GHR: variants seen among roughly 807,000 people sequenced by gnomAD.
The protein encoded by GHR is growth hormone receptor.
In GHR, 35 loss-of-function variants were observed where a neutral mutation model predicts 67.1. The observed-to-expected ratio is 0.52, with a 90% CI of 0.40 to 0.69. The LOEUF (loss-of-function observed/expected upper bound fraction) is 0.69. Ranked by LOEUF, GHR falls within the 30% of genes least tolerant of loss-of-function variation. GHR has a pLI of 0.00. For synonymous variants in GHR, 272 were observed against 269.1 expected (o/e 1.01, Z -0.10); for missense variants, 792 against 764.6 (o/e 1.04, Z -0.42).
chr5:42,562,802 T>C (rs946130178), intron 1 of GHR, among the ~76,000 whole-genome samples: 19 of 151,768 alleles, frequency 1.3e-4, no homozygotes, highest in Admixed American at 1.2e-3. Context: ...AGGCATGCGC[T>C]GCCATGCCCA....
chr5:42,627,485 G>C (rs912536145), intron 2 of GHR, among the ~76,000 whole-genome samples: 7 of 152,284 alleles, frequency 4.6e-5, no homozygotes, highest in Admixed American at 1.3e-4. Flanking sequence ...TGCCATAACA[G>C]GTGTTAGCAG....
chr5:42,529,983 C>G (rs1432595452), intron 1 of GHR, among the ~76,000 whole-genome samples: 4 of 138,352 alleles, frequency 2.9e-5, no homozygotes, highest in Non-Finnish European at 6.1e-5. Flanking sequence ...GAGAGTAAAT[C>G]AGAAGTGAAT....
At chr5:42,680,667 G>A (rs1344062627) in intron 3 of GHR, among the ~76,000 whole-genome samples, 1 of 151,672 alleles carries the variant, frequency 6.6e-6, no homozygotes, top group Non-Finnish European at 1.5e-5. Flanking sequence ...ACCAGACCTG[G>A]CTAATTTTTG....
intron 3 of GHR, among the ~76,000 whole-genome samples, chr5:42,648,243 C>A (rs558263918): frequency 5.9e-5 from 9 of 152,228 alleles, no homozygotes; most frequent in African/African-American, 1.9e-4. Context: ...TACAAGTGTT[C>A]TAGGAATCTG....
chr5:42,433,995 G>C (rs911217980), intron 1 of GHR, among the ~76,000 whole-genome samples: 6 of 152,076 alleles, frequency 3.9e-5, no homozygotes, highest in African/African-American at 1.4e-4. Context: ...TTGGATAGTG[G>C]TGGCTGCTGT....
At chr5:42,579,205 T>A (rs1229093287) in intron 2 of GHR, among the ~76,000 whole-genome samples, 1 of 147,978 alleles carries the variant, frequency 6.8e-6, no homozygotes, top group African/African-American at 2.5e-5. Context: ...GATAGACAGA[T>A]AGATAGATAT....
intron 1 of GHR, among the ~76,000 whole-genome samples, chr5:42,494,441 C>T (rs547769661): frequency 4.6e-5 from 7 of 152,162 alleles, no homozygotes; most frequent in South Asian, 2.1e-4. Context: ...TGTCTCCTTG[C>T]GTCCTCTTCT....
At chr5:42,697,816 G>A (rs1262323120) in intron 5 of GHR, among the ~76,000 whole-genome samples, 2 of 152,170 alleles carry the variant, frequency 1.3e-5, no homozygotes, top group African/African-American at 2.4e-5. Flanking sequence ...TTCGCTTGAG[G>A]ATTGCATGGA....
chr5:42,586,198 C>T (rs1044410274), intron 2 of GHR, among the ~76,000 whole-genome samples: 4 of 152,122 alleles, frequency 2.6e-5, no homozygotes, highest in Admixed American at 2.6e-4. Flanking sequence ...CTCCTCCTCT[C>T]CTTCTCTAAC....
chr5:42,680,614 G>T (rs1206846127), intron 3 of GHR, among the ~76,000 whole-genome samples: 1 of 151,678 alleles, frequency 6.6e-6, no homozygotes, highest in Non-Finnish European at 1.5e-5. Context: ...AGTGATTCTT[G>T]TGCCTCAGCC....
At chr5:42,698,889 T>A (rs1579634441) in intron 5 of GHR, among the ~76,000 whole-genome samples, 1 of 152,218 alleles carries the variant, frequency 6.6e-6, no homozygotes, top group African/African-American at 2.4e-5. Flanking sequence ...TTAGACATAG[T>A]TCCTAGCTTT....
At chr5:42,579,140 TGATAGATAGATATAGATAGATAGATAG>T (rs1750990700) in intron 2 of GHR, among the ~76,000 whole-genome samples, 30 of 59,900 alleles carry the variant, frequency 5.0e-4, no homozygotes, top group African/African-American at 7.5e-4. Context: ...GATAGATAGA[TGATAGATAGATATAGATAGATAGATAG>T]ATAGATAGAT....
intron 3 of GHR, among the ~76,000 whole-genome samples, chr5:42,638,471 G>T (rs190142130): frequency 1.4e-4 from 22 of 152,238 alleles, no homozygotes; most frequent in Middle Eastern, 6.8e-3. Flanking sequence ...ACACAAACCT[G>T]GATGGTACAG....
intron 2 of GHR, among the ~76,000 whole-genome samples, chr5:42,628,018 C>T (rs1187479598): frequency 6.6e-6 from 1 of 152,142 alleles, no homozygotes; most frequent in African/African-American, 2.4e-5. Flanking sequence ...TGAACTTCCT[C>T]TGAAGTCGGG....
chr5:42,707,329 A>G (rs1233218410), intron 6 of GHR, among the ~76,000 whole-genome samples: 12 of 151,950 alleles, frequency 7.9e-5, no homozygotes, highest in Non-Finnish European at 1.6e-4. Flanking sequence ...TTTATCTTTT[A>G]ACCTTCATTC....
At chr5:42,541,733 T>C (rs886417812) in intron 1 of GHR, among the ~76,000 whole-genome samples, 1 of 152,156 alleles carries the variant, frequency 6.6e-6, no homozygotes, top group Non-Finnish European at 1.5e-5. Flanking sequence ...TAAGAAGTGA[T>C]CGCATTCTGG....
intron 2 of GHR, among the ~76,000 whole-genome samples, chr5:42,625,165 G>A (rs1158229612): frequency 6.6e-6 from 1 of 152,124 alleles, no homozygotes; most frequent in African/African-American, 2.4e-5. Context: ...AGGGGCAGGT[G>A]AATTGGACTC....
rs183274803 is a variant in GHR at position 42,471,772 on chromosome 5, G to A, written c.-12+47817G>A. Among the ~76,000 whole-genome samples the A allele has an allele frequency of 5.4e-3, 826 of 152,262 alleles. 3 individuals are homozygous for A. Among genetic ancestry groups the A allele is most frequent in the Admixed American group, 0.01 (156 of 15,292 alleles). ...GTATTGTTCATATGGAGAAACAGGG[G>A]TCTTAGGCAGCTTAGGAGTTTTTCT... On this transcript the variant is annotated intron_variant, in intron 1 of 9. Coordinates refer to ENST00000230882, the MANE Select transcript of GHR (RefSeq NM_000163.5).
intron 1 of GHR, among the ~76,000 whole-genome samples, chr5:42,429,225 C>T (rs1279726239): frequency 7.2e-5 from 11 of 152,052 alleles, no homozygotes; most frequent in African/African-American, 1.7e-4. Flanking sequence ...AAGGCATGTG[C>T]GGGGGAACTA....
Sources: gnomAD v4.1 joint callset for allele counts (sites outside exome capture counted in the v4.1 genomes callset) on GRCh38, gnomAD v4.1.1 for gene constraint, MANE v1.5 for transcripts, NCBI Gene and HGNC (gene_info 2026-07-23, HGNC 2026-07-21) for gene names.